Variants in TEP1 observed in about 807,000 individuals in gnomAD.
TEP1 encodes the protein telomerase protein component 1.
In TEP1, 241 loss-of-function variants were observed where a neutral mutation model predicts 306.3. The ratio of observed to expected loss-of-function variants is 0.79; its 90% confidence interval spans 0.71 to 0.88. The LOEUF is 0.88. Ranked by LOEUF, TEP1 falls within the 40% of genes least tolerant of loss-of-function variation. TEP1 has a pLI of 0.00. For missense variants in TEP1, 3,051 were observed against 3,276.1 expected, an observed-to-expected ratio of 0.93 and a Z score of 1.68; for synonymous variants, 1,289 against 1,305.5, an observed-to-expected ratio of 0.99 and a Z score of 0.27.
intron 1 of TEP1, among the ~76,000 whole-genome samples, chr14:20,412,680 C>CTT (rs10717377): frequency 0.012 from 1,299 of 105,424 alleles, 43 homozygotes; most frequent in African/African-American, 0.031. Flanking sequence ...TCACTCTTTC[C>CTT]TTTTTTTTTT....
At chr14:20,382,780 G>A (rs1876706491) in intron 27 of TEP1, 65 bp from the exon 28 acceptor site, 5 of 1,484,516 alleles carry the variant, frequency 3.4e-6, no homozygotes, top group East Asian at 2.3e-5. Context: ...CTCTGCCCCA[G>A]CACCAGCCCC....
chr14:20,385,027 G>C lies in TEP1; in HGVS notation c.3065C>G (p.Ser1022Cys), dbSNP rs1450985337. 1 of 1,614,228 alleles carries C rather than the reference G, an allele frequency of 6.2e-7. No homozygotes were observed. The highest frequency in any genetic ancestry group is 1.1e-5 in the South Asian group (1 of 91,086). Residue 1022 changes from serine to cysteine, a missense_variant, in exon 21 of 55, where the codon TCT becomes TGT. Physicochemically the swap from Ser to Cys is moderately radical, Grantham distance 112. Around this residue, in one of 3 missense-constraint regions of TEP1, gnomAD observed 1,507 missense variants for 1,550.5 expected, o/e 0.97. Coordinates refer to ENST00000262715, the MANE Select transcript of TEP1 (RefSeq NM_007110.5). ...FLNRNQRLQP[S>C]AQALIYFRDS... is the part of the protein sequence containing the mutation. The stretch of plus-strand genomic sequence containing the variant: ...CCGGAAGTAGATGAGAGCTTGGGCA[G>C]AGGGCTGCAGACGTTGGTTCCGGTT...
At chr14:20,395,039 A>G (rs1192568670) in intron 12 of TEP1, among the ~76,000 whole-genome samples, 14 of 152,210 alleles carry the variant, frequency 9.2e-5, no homozygotes, top group Non-Finnish European at 2.1e-4. Context: ...CACACACAAC[A>G]AAAACAAAAA....
chr14:20,391,758 T>C lies in TEP1; in HGVS notation c.1938A>G (p.Lys646=). The C allele has an allele frequency of 6.2e-7, 1 of 1,614,102 alleles. No individual in the cohort carries two copies. The highest frequency in any genetic ancestry group is 1.1e-5 in the South Asian group (1 of 91,082). Residue 646 remains lysine, a synonymous_variant, in exon 13 of 55, where the codon AAA becomes AAG. Transcript: ENST00000262715. ...KLRVHKARQW[K]YDGEMLNRYR... is the part of the protein sequence containing the mutation. ...ACCTGTTCAGCATCTCACCATCATA[T>C]TTCCACTGTCTACATGCAAGAAAGA...
At chr14:20,384,817 G>C in intron 21 of TEP1, 104 bp from the exon 22 acceptor site, 2 of 1,472,472 alleles carry the variant, frequency 1.4e-6, no homozygotes, top group Non-Finnish European at 1.9e-6. Flanking sequence ...TCCTCAAGTA[G>C]AGAGCTCCTG....
chr14:20,378,514 G>C lies in TEP1; in HGVS notation c.5374C>G (p.Gln1792Glu). Reference protein sequence around the residue: ...CLKLWDTVRGQLAFQHTYPKS... With the variant: ...CLKLWDTVRGELAFQHTYPKS... ...GGGTAGGTGTGCTGGAAGGCCAGCT[G>C]CCCACGGACTGTGTCCCACAGCTGA... Residue 1792 changes from glutamine (Q) to glutamate (E), a missense_variant, in exon 38 of 55, where the codon CAG (glutamine) becomes GAG (glutamate). By Grantham distance (29) the Gln-to-Glu change is conservative. Coordinates refer to ENST00000262715, the MANE Select transcript of TEP1 (RefSeq NM_007110.5). 6.2e-7 allele frequency: 1 copy of C among 1,614,220 alleles called. No individual in the cohort carries two copies. The highest frequency in any genetic ancestry group is 8.5e-7 in the Non-Finnish European group (1 of 1,180,038).
intron 7 of TEP1, among the ~76,000 whole-genome samples, chr14:20,402,924 C>T (rs1386561803): frequency 6.6e-6 from 1 of 151,962 alleles, no homozygotes; most frequent in Non-Finnish European, 1.5e-5. Flanking sequence ...TTTGGGAGGT[C>T]AAGGCAGGTG....
Position 20,384,408 on chromosome 14 carries a change from G to A in TEP1, c.3322C>T (p.Gln1108Ter). 6.2e-7 allele frequency: 1 copy of A among 1,614,102 alleles called. No homozygotes were observed. The change falls in exon 23 of 55, where the codon CAG becomes TAG. Residue 1108 changes from glutamine (Q) to a stop codon, truncating the protein, a stop_gained. Coordinates refer to ENST00000262715, the MANE Select transcript of TEP1 (RefSeq NM_007110.5). LOFTEE classifies it high-confidence loss of function. ...LVLQDVWNMI[Q>*]KLYLQPGALL... ...CTGCTGACCTGCAGGTAGAGCTTCT[G>A]GATCATATTCCATACATCCTGCAGA...
chr14:20,412,064 G>A (rs1879717395), intron 1 of TEP1, among the ~76,000 whole-genome samples: 1 of 152,124 alleles, frequency 6.6e-6, no homozygotes, highest in Non-Finnish European at 1.5e-5. Context: ...GTGTGAAAAA[G>A]CTTAGGGACA....
chr14:20,368,577 A>C lies in TEP1; in HGVS notation c.7762-18T>G. The C allele has an allele frequency of 1.2e-6, 2 of 1,613,970 alleles. No homozygotes were observed. Among genetic ancestry groups the C allele is most frequent in the Non-Finnish European group, 8.5e-7 (1 of 1,179,836 alleles). On this transcript the variant is annotated intron_variant, in intron 54 of 54. Coordinates refer to ENST00000262715, the MANE Select transcript of TEP1 (RefSeq NM_007110.5). ...AGGCCCAGCTACGATGGGAACAAAA[A>C]TAGGGGAGGTCAGGGCTACAAGCCT...
rs1876571865 is a variant in TEP1, at chr14:20,381,850, G to C, written c.4424+63C>G. On this transcript the variant is annotated intron_variant, in intron 30 of 54. Coordinates refer to ENST00000262715, the MANE Select transcript of TEP1 (RefSeq NM_007110.5). The surrounding 1 kb of genome is among the most constrained non-coding windows in gnomAD (Gnocchi z 4.0). ...GCCAGTTGTTGAAGCTATACAGAGG[G>C]CCCCGGCTCAAAGAAGGGAAGGCAC... 3.1e-6 allele frequency: 5 copies of C among 1,591,584 alleles called. No homozygotes were observed. Among genetic ancestry groups the C allele is most frequent in the Non-Finnish European group, 3.4e-6 (4 of 1,169,648 alleles).
At chr14:20,368,767 C>G in intron 54 of TEP1, 31 bp downstream of exon 54, 1 of 1,096,156 alleles carries the variant, frequency 9.1e-7, no homozygotes, top group Non-Finnish European at 1.2e-6. Context: ...GGCGCACGCA[C>G]ACACACACAC....
intron 1 of TEP1, among the ~76,000 whole-genome samples, chr14:20,409,802 C>T (rs892092757): frequency 4.6e-5 from 7 of 151,998 alleles, no homozygotes; most frequent in Non-Finnish European, 8.8e-5. Flanking sequence ...GGGCGGATCA[C>T]AAGGTCAGGA....
Position 20,403,583 on chromosome 14 carries a change from C to A in TEP1, c.1195-135G>T, listed in dbSNP as rs1878932311. 5 of 1,585,026 alleles carry A rather than the reference C, an allele frequency of 3.2e-6. No individual in the cohort carries two copies. In the East Asian group the frequency reaches 1.1e-4, roughly 35 times the overall value. ...AAGAAGACTGCCCTGCACCATATGC[C>A]CATGAGCTCTACCCAGCTCCCCTGC... On this transcript the variant is annotated intron_variant, in intron 6 of 54. Coordinates refer to ENST00000262715, the MANE Select transcript of TEP1 (RefSeq NM_007110.5).
intron 44 of TEP1, 152 bp from the exon 45 acceptor site, chr14:20,373,962 C>G: frequency 1.0e-6 from 1 of 1,003,722 alleles, no homozygotes; most frequent in Non-Finnish European, 1.4e-6. Flanking sequence ...TGGCTCAGGA[C>G]AGTGGGGTCG....
Position 20,403,798 on chromosome 14 carries a change from G to C in TEP1, c.1119C>G (p.Asp373Glu), listed in dbSNP as rs202055706. ...GGTTGTACTTAGCCAGCTGGTACTC[G>C]TCAAACTGGGCAAATTTGTCCGTCA... is the stretch of plus-strand genomic sequence containing the variant. Reference protein sequence around the residue: ...TAMTDKFAQFDEYQLAKYNPR... With the variant: ...TAMTDKFAQFEEYQLAKYNPR... Residue 373 changes from aspartate to glutamate, a missense_variant, in exon 6 of 55, where the codon GAC (aspartate) becomes GAG (glutamate). Asp to Glu is a conservative substitution (Grantham distance 45, BLOSUM62 2). Around this residue, in one of 3 missense-constraint regions of TEP1, gnomAD observed 1,507 missense variants for 1,550.5 expected, o/e 0.97. Coordinates refer to ENST00000262715, the MANE Select transcript of TEP1 (RefSeq NM_007110.5). The C allele has an allele frequency of 6.2e-7, 1 of 1,614,036 alleles. No homozygotes were observed. Among genetic ancestry groups the C allele is most frequent in the Non-Finnish European group, 8.5e-7 (1 of 1,180,050 alleles).
At chr14:20,379,868 G>A in intron 35 of TEP1, 62 bp downstream of exon 35, 9 of 1,548,178 alleles carry the variant, frequency 5.8e-6, no homozygotes, top group African/African-American at 1.4e-5. Flanking sequence ...CTCATCTAGG[G>A]CTTCAGGGCA....
chr14:20,408,017 C>G lies in TEP1; in HGVS notation c.423G>C (p.Leu141Phe). The change falls in exon 2 of 55, where the codon TTG becomes TTC. Residue 141 changes from leucine (L) to phenylalanine (F), a missense_variant. Leu to Phe is a conservative substitution (Grantham distance 22). This residue lies in a region of TEP1 where 1,507 missense variants were observed against 1,550.5 expected (regional missense o/e 0.97). Transcript: ENST00000262715. ...LQISHMTQAD[L>F]YRVNNSNCLL... is the part of the protein sequence containing the mutation. ...GGCAATTGCTGTTGTTCACACGGTA[C>G]AAATCAGCTTGCGTCATGTGAGATA... 1 of 1,614,178 alleles carries G rather than the reference C, an allele frequency of 6.2e-7. No individual in the cohort carries two copies. Among genetic ancestry groups the G allele is most frequent in the Non-Finnish European group, 8.5e-7 (1 of 1,180,038 alleles).
chr14:20,380,153 G>A (rs1410420014), intron 34 of TEP1, 82 bp downstream of exon 34: 20 of 1,581,228 alleles, frequency 1.3e-5, no homozygotes, highest in Non-Finnish European at 1.7e-5. Context: ...CAGTGTTTCT[G>A]GTCATCCTTA....
Sources: gnomAD v4.1 joint callset for allele counts (sites outside exome capture counted in the v4.1 genomes callset) on GRCh38, gnomAD v4.1.1 for gene constraint, gnomAD v4.1.1 regional missense constraint, Gnocchi (gnomAD v3.1) non-coding constraint, MANE v1.5 for transcripts, NCBI Gene and HGNC (gene_info 2026-07-23, HGNC 2026-07-21) for gene names.